Variants in SULF2 observed in about 807,000 individuals in gnomAD.
SULF2 encodes sulfatase 2, also known as extracellular sulfatase Sulf-2.
In SULF2, 52 loss-of-function variants were observed where a neutral mutation model predicts 107.7. The ratio of observed to expected loss-of-function variants is 0.48; its 90% confidence interval spans 0.39 to 0.61. The LOEUF (loss-of-function observed/expected upper bound fraction) is 0.61. SULF2 is among the 20% of genes least tolerant of loss of function. The probability of loss-of-function intolerance (pLI) is 0.00; values close to 1 mark genes in which losing one functional copy is unlikely to be tolerated. For synonymous variants in SULF2, 460 were observed against 464.3 expected, an observed-to-expected ratio of 0.99 and a Z score of 0.12; for missense variants, 993 against 1,177.3, an observed-to-expected ratio of 0.84 and a Z score of 2.29.
chr20:47,723,638 G>C (rs928989322), intron 3 of SULF2, among the ~76,000 whole-genome samples: 1 of 152,174 alleles, frequency 6.6e-6, no homozygotes, highest in African/African-American at 2.4e-5. Context: ...TCATAGGAGC[G>C]TGAACCCCGT....
chr20:47,745,444 TATATATATATATAC>T lies in SULF2; in HGVS notation c.176-8516_176-8503del, dbSNP rs1247632232. On this transcript the variant is annotated intron_variant, in intron 2 of 20. Transcript: ENST00000688720. ...ATATATATATATATATATATATATA[TATATATATATATAC>T]ACATACACACACACTTTTTTAGTTC... 3.3e-3 allele frequency among the ~76,000 whole-genome samples: 52 copies of T among 15,998 alleles called. 1 individual carries two copies. Among genetic ancestry groups the T allele is most frequent in the Middle Eastern group, 0.025 (1 of 40 alleles). The allele number at this position is 15,998 out of a possible 152,430, so 10.5% of individuals were successfully genotyped here.
intron 18 of SULF2, chr20:47,661,520 G>A: frequency 3.0e-6 from 1 of 335,312 alleles, no homozygotes; most frequent in Non-Finnish European, 5.7e-6. Context: ...TGGACAAAAG[G>A]GAGGACAATG....
intron 2 of SULF2, among the ~76,000 whole-genome samples, chr20:47,737,801 T>G (rs2089780982): frequency 7.0e-6 from 1 of 142,638 alleles, no homozygotes; most frequent in Non-Finnish European, 1.5e-5. Flanking sequence ...CTTGCTCTGT[T>G]GCCCAGGCTG....
At position 47,742,927 on chromosome 20, in the gene SULF2, A is replaced by ATTTTTT. The variant is rs397837137; in HGVS notation, c.176-5991_176-5986dup. Among the ~76,000 whole-genome samples the ATTTTTT allele has an allele frequency of 1.5e-4, 15 of 99,452 alleles. 3 individuals are homozygous for ATTTTTT. The highest frequency in any genetic ancestry group is 3.4e-4 in the South Asian group (1 of 2,936). The allele number at this position is 99,452 out of a possible 152,430, so 65.2% of individuals were successfully genotyped here. A position where few individuals can be genotyped will look rare whatever the true frequency, so the allele number is the denominator to read the frequency against. On this transcript the variant is annotated intron_variant, in intron 2 of 20. Coordinates refer to ENST00000688720, the MANE Select transcript of SULF2 (RefSeq NM_001387048.1). ...AGGGAGTTTCAGGATTCAAAACATGATTTTTTTTTTTTTTTTTTTTTTTTT... is the reference window on the plus strand; with the variant it reads ...AGGGAGTTTCAGGATTCAAAACATGATTTTTTTTTTTTTTTTTTTTTTTTTTTTTTT...
rs372407251 is a variant in SULF2, at chr20:47,665,965, A to T, written c.1806-12T>A. 80 of 1,612,878 alleles carry T rather than the reference A, an allele frequency of 5.0e-5. No homozygotes were observed. Among genetic ancestry groups the T allele is most frequent in the Non-Finnish European group, 6.2e-5 (73 of 1,179,020 alleles). ...CTAGGATGTAGCACCTGCTTGAGAG[A>T]AGGGATCACGTGTGGCTCGGAGGTG... On this transcript the variant is annotated splice_polypyrimidine_tract_variant and intron_variant, in intron 12 of 20. Coordinates refer to ENST00000688720, the MANE Select transcript of SULF2 (RefSeq NM_001387048.1).
chr20:47,669,519 G>T (rs1225456455), intron 11 of SULF2, among the ~76,000 whole-genome samples: 1 of 152,186 alleles, frequency 6.6e-6, no homozygotes, highest in Non-Finnish European at 1.5e-5. Flanking sequence ...AGTGTCCCCT[G>T]GGGGACAGAA....
intron 17 of SULF2, 61 bp from the exon 18 acceptor site, chr20:47,661,957 C>G: frequency 7.1e-7 from 1 of 1,400,990 alleles, no homozygotes; most frequent in Non-Finnish European, 9.4e-7. Context: ...CCCTGCCCTT[C>G]TACCAACCAG....
At chr20:47,683,537 A>G (rs921764789) in intron 6 of SULF2, among the ~76,000 whole-genome samples, 2 of 152,204 alleles carry the variant, frequency 1.3e-5, no homozygotes, top group African/African-American at 4.8e-5. Context: ...TGAATGAATG[A>G]ATGAGTGAAA....
At chr20:47,728,990 G>A (rs1396963059) in intron 3 of SULF2, among the ~76,000 whole-genome samples, 2 of 152,200 alleles carry the variant, frequency 1.3e-5, no homozygotes, top group Non-Finnish European at 2.9e-5. Context: ...GAGACAAATG[G>A]GCAGAATACA....
In SULF2 at chr20:47,662,985, A is replaced by G. The variant is rs374078402; in HGVS notation, c.2370+85T>C. 1.5e-4 allele frequency: 221 copies of G among 1,494,098 alleles called. 2 individuals carry two copies. The South Asian group carries it at 2.4e-3, about 16-fold the overall frequency. 92.6% of individuals were successfully genotyped at this position (1,494,098 alleles called of 1,614,324 possible). On this transcript the variant is annotated intron_variant, in intron 17 of 20. Coordinates refer to ENST00000688720, the MANE Select transcript of SULF2 (RefSeq NM_001387048.1). ...CTCAGTGGGACTTGGACAATTTGTC[A>G]TCACTTCCCTGAGGTTGGGGGGGGC...
chr20:47,681,408 G>C (rs2087818483), intron 7 of SULF2, among the ~76,000 whole-genome samples: 1 of 152,120 alleles, frequency 6.6e-6, no homozygotes, highest in African/African-American at 2.4e-5. Context: ...GTGGTTTTGG[G>C]CCCTATGAGT....
At position 47,726,941 on chromosome 20, in the gene SULF2, G is replaced by A. The variant is rs183386151; in HGVS notation, c.415+9762C>T. ...ACCATGGTTGGGAAGGGAAGGCTAC[G>A]CATGGAGCTGATCTTCAGGGCGGCC... On this transcript the variant is annotated intron_variant, in intron 3 of 20. Coordinates refer to ENST00000688720, the MANE Select transcript of SULF2 (RefSeq NM_001387048.1). Among the ~76,000 whole-genome samples, 850 of 152,248 alleles carry A rather than the reference G, an allele frequency of 5.6e-3. 10 individuals carry two copies. Among genetic ancestry groups the A allele is most frequent in the African/African-American group, 0.019 (795 of 41,546 alleles).
At chr20:47,698,042 T>G (rs1191398848) in intron 4 of SULF2, among the ~76,000 whole-genome samples, 1 of 152,218 alleles carries the variant, frequency 6.6e-6, no homozygotes, top group South Asian at 2.1e-4. Context: ...AGGCCTACTA[T>G]GTGCAGAATG....
chr20:47,683,267 C>G (rs2087890012), intron 6 of SULF2, 98 bp from the exon 7 acceptor site: 5 of 1,254,876 alleles, frequency 4.0e-6, no homozygotes, highest in Admixed American at 2.5e-5. Context: ...GGCCCCGTCC[C>G]TCCCCTGCTT....
chr20:47,751,048 T>C (rs1278207742), intron 2 of SULF2, among the ~76,000 whole-genome samples: 9 of 152,206 alleles, frequency 5.9e-5, no homozygotes, highest in Non-Finnish European at 7.3e-5. Flanking sequence ...CTCTTTTATG[T>C]ACTATAGATT....
chr20:47,705,511 C>T (rs908171186), intron 3 of SULF2, among the ~76,000 whole-genome samples: 3 of 152,198 alleles, frequency 2.0e-5, no homozygotes, highest in Non-Finnish European at 4.4e-5. Flanking sequence ...TAAAGGCCTG[C>T]ACTTCTCTTT....
intron 2 of SULF2, among the ~76,000 whole-genome samples, chr20:47,754,133 C>A (rs890244282): frequency 6.6e-6 from 1 of 152,114 alleles, no homozygotes; most frequent in Admixed American, 6.5e-5. Flanking sequence ...CCCGAACCCC[C>A]CAACCTTGCA....
At chr20:47,688,025 G>GT (rs1491271317) in intron 5 of SULF2, among the ~76,000 whole-genome samples, 1 of 150,798 alleles carries the variant, frequency 6.6e-6, no homozygotes, top group East Asian at 1.9e-4. Flanking sequence ...CTGTGTGTGT[G>GT]GGGGGGTGCA....
chr20:47,663,427 T>C (rs1216833428), intron 16 of SULF2, 26 bp downstream of exon 16: 2 of 1,604,800 alleles, frequency 1.2e-6, no homozygotes, highest in Non-Finnish European at 1.7e-6. Flanking sequence ...CCTCAGCCTG[T>C]CCACCCCTGC....
Sources: gnomAD v4.1 joint callset for allele counts (sites outside exome capture counted in the v4.1 genomes callset) on GRCh38, gnomAD v4.1.1 for gene constraint, MANE v1.5 for transcripts, NCBI Gene and HGNC (gene_info 2026-07-23, HGNC 2026-07-21) for gene names.